CCDC90B: variants seen among roughly 807,000 people sequenced by gnomAD.
CCDC90B encodes coiled-coil domain-containing protein 90B, mitochondrial.
In CCDC90B, 24 loss-of-function variants were observed where a neutral mutation model predicts 37.0. The observed-to-expected ratio is 0.65, with a 90% CI of 0.47 to 0.91. The LOEUF (loss-of-function observed/expected upper bound fraction) is 0.91, where lower values mean the gene tolerates loss of function less well. Among genes scored for constraint, CCDC90B ranks in the 40% least tolerant of loss-of-function variants. The probability of loss-of-function intolerance (pLI) is 0.00; values close to 1 mark genes in which losing one functional copy is unlikely to be tolerated. For synonymous variants in CCDC90B, 113 were observed against 101.1 expected (o/e 1.12, Z -0.71); for missense variants, 319 against 299.0 (o/e 1.07, Z -0.49).
At chr11:83,277,743 A>C (rs1453369416) in intron 3 of CCDC90B, among the ~76,000 whole-genome samples, 1 of 151,644 alleles carries the variant, frequency 6.6e-6, no homozygotes, top group Non-Finnish European at 1.5e-5. Context: ...TGATCTGTGT[A>C]CCTCAGCCTC....
chr11:83,264,340 T>G (rs1442985375), intron 8 of CCDC90B, among the ~76,000 whole-genome samples: 2 of 152,074 alleles, frequency 1.3e-5, no homozygotes, highest in African/African-American at 2.4e-5. Context: ...GTGATCTAAT[T>G]ATTTTTAAGA....
Position 83,261,820 on chromosome 11 carries a change from A to T in CCDC90B, c.*91T>A, listed in dbSNP as rs552628241. Reference sequence around the variant, plus strand: ...ACACTTCGAATAATCTTGTGTAGTAAATTTTTGCTGCAACTGACAATGTTC... The same window carrying T: ...ACACTTCGAATAATCTTGTGTAGTATATTTTTGCTGCAACTGACAATGTTC... On this transcript the variant is annotated 3_prime_UTR_variant, in exon 9 of 9. Coordinates refer to ENST00000529689, the MANE Select transcript of CCDC90B (RefSeq NM_021825.5). The T allele has an allele frequency of 5.5e-5, 48 of 874,410 alleles. No homozygotes were observed. In the Admixed American group the frequency reaches 7.8e-4, roughly 14 times the overall value. 54.2% of individuals were successfully genotyped at this position (874,410 alleles called of 1,614,324 possible). A position where few individuals can be genotyped will look rare whatever the true frequency, so the allele number is the denominator to read the frequency against.
Position 83,265,997 on chromosome 11 carries a change from AAG to A in CCDC90B, c.595-20_595-19del, listed in dbSNP as rs774862120. 2.9e-5 allele frequency: 39 copies of A among 1,343,904 alleles called. 1 individual carries two copies. The South Asian group carries it at 4.4e-4, about 15-fold the overall frequency. 83.2% of individuals were successfully genotyped at this position (1,343,904 alleles called of 1,614,324 possible). A position where few individuals can be genotyped will look rare whatever the true frequency, so the allele number is the denominator to read the frequency against. On this transcript the variant is annotated intron_variant, in intron 7 of 8. Transcript: ENST00000529689. ...TGAGTATCCTGTGGTAAACCAGAAT[AAG>A]AGAACTTAATTTTGTCCCTATGTAT...
chr11:83,269,908 A>C (rs778835650), intron 7 of CCDC90B, among the ~76,000 whole-genome samples: 34 of 152,212 alleles, frequency 2.2e-4, no homozygotes, highest in Non-Finnish European at 4.7e-4. Context: ...AATCCTCAAT[A>C]AAATACTGGC....
In CCDC90B at chr11:83,261,872, TC is replaced by T; in HGVS notation, c.*38del. The T allele has an allele frequency of 6.7e-7, 1 of 1,482,120 alleles. No homozygotes were observed. The highest frequency in any genetic ancestry group is 9.3e-7 in the Non-Finnish European group (1 of 1,078,080). 91.8% of individuals were successfully genotyped at this position (1,482,120 alleles called of 1,614,324 possible). ...AAGTAAATCTCTCCCGGTTTGGTGT[TC>T]TAAGAAGCCAACAGCCACAGCAGGA... On this transcript the variant is annotated 3_prime_UTR_variant, in exon 9 of 9. Transcript: ENST00000529689.
At chr11:83,285,815 A>T in intron 1 of CCDC90B, 58 bp downstream of exon 1, 2 of 1,548,684 alleles carry the variant, frequency 1.3e-6, no homozygotes, top group Non-Finnish European at 1.7e-6. Flanking sequence ...GCGCGACCCC[A>T]CGGGCATCGT....
chr11:83,280,816 C>T (rs984063831), intron 1 of CCDC90B, among the ~76,000 whole-genome samples: 2 of 152,216 alleles, frequency 1.3e-5, no homozygotes, highest in Admixed American at 1.3e-4. Flanking sequence ...GTTTTCACTA[C>T]TGTATCTTTA....
Position 83,261,965 on chromosome 11 carries a change from A to G in CCDC90B, c.711T>C (p.Ala237=), listed in dbSNP as rs780259470. 1.3e-6 allele frequency: 2 copies of G among 1,587,728 alleles called. No homozygotes were observed. Among genetic ancestry groups the G allele is most frequent in the South Asian group, 1.1e-5 (1 of 88,256 alleles). ...NKLETIRYLA[A]SVFTCLAIAL... is the part of the protein sequence containing the mutation. ...CTATTGCCAGGCAAGTAAACACCGAAGCTGTGAAAAGAAGAAACTGTGTTA... is the reference window on the plus strand; with the variant it reads ...CTATTGCCAGGCAAGTAAACACCGAGGCTGTGAAAAGAAGAAACTGTGTTA... Residue 237 remains alanine, a splice_region_variant and synonymous_variant, in exon 9 of 9, where the codon GCT becomes GCC. Coordinates refer to ENST00000529689, the MANE Select transcript of CCDC90B (RefSeq NM_021825.5).
intron 1 of CCDC90B, chr11:83,285,463 A>G: frequency 9.0e-7 from 1 of 1,116,928 alleles, no homozygotes; most frequent in Non-Finnish European, 1.1e-6. Flanking sequence ...GTCTACCAAA[A>G]ACCTGGGCTC....
chr11:83,285,719 G>C, intron 1 of CCDC90B, 154 bp downstream of exon 1: 3 of 1,438,468 alleles, frequency 2.1e-6, no homozygotes, highest in Non-Finnish European at 2.7e-6. Flanking sequence ...TGGGCAAGTC[G>C]GGGCAGCAGG....
intron 7 of CCDC90B, among the ~76,000 whole-genome samples, chr11:83,267,676 G>A (rs1864369869): frequency 6.6e-6 from 1 of 152,204 alleles, no homozygotes; most frequent in Admixed American, 6.5e-5. Context: ...AACCAAGTTG[G>A]AAAACACTTC....
At chr11:83,277,784 C>A (rs376290242) in intron 3 of CCDC90B, among the ~76,000 whole-genome samples, 1 of 151,994 alleles carries the variant, frequency 6.6e-6, no homozygotes, top group African/African-American at 2.4e-5. Context: ...GTGTGACCCA[C>A]GGCACCTGGC....
intron 1 of CCDC90B, 72 bp downstream of exon 1, chr11:83,285,801 G>C: frequency 6.6e-7 from 1 of 1,526,438 alleles, no homozygotes; most frequent in Non-Finnish European, 8.8e-7. Context: ...GTTCGCTCGA[G>C]CAGGCGCGAC....
chr11:83,268,323 T>G (rs1389386243), intron 7 of CCDC90B, among the ~76,000 whole-genome samples: 1 of 151,278 alleles, frequency 6.6e-6, no homozygotes, highest in African/African-American at 2.4e-5. Flanking sequence ...TTGGATAGAA[T>G]CAAGACCCAT....
At chr11:83,264,200 A>C (rs541485207) in intron 8 of CCDC90B, among the ~76,000 whole-genome samples, 24 of 152,204 alleles carry the variant, frequency 1.6e-4, no homozygotes, top group Non-Finnish European at 2.6e-4. Flanking sequence ...GCCTGTTAAT[A>C]AAGGACTGGA....
At chr11:83,283,695 C>A (rs931075623) in intron 1 of CCDC90B, among the ~76,000 whole-genome samples, 8 of 152,230 alleles carry the variant, frequency 5.3e-5, no homozygotes, top group African/African-American at 1.9e-4. Context: ...GGTGCAGTGG[C>A]TTATGCCTGT....
chr11:83,265,936 A>G lies in CCDC90B; in HGVS notation c.638T>C (p.Ile213Thr), dbSNP rs144139155. 1.1e-3 allele frequency: 1,763 copies of G among 1,611,808 alleles called. 9 individuals are homozygous for G. Among genetic ancestry groups the G allele is most frequent in the South Asian group, 7.8e-3 (710 of 90,930 alleles). The change falls in exon 8 of 9, where the codon ATT becomes ACT. Residue 213 changes from isoleucine to threonine, a missense_variant. Transcript: ENST00000529689. ...KSIISETSNK[I>T]DAEIASLKTL... ...TTTTAAGGAAGCAATTTCAGCGTCAATTTTATTACTGGTCTCTGAAATAAT... is the reference window on the plus strand; with the variant it reads ...TTTTAAGGAAGCAATTTCAGCGTCAGTTTTATTACTGGTCTCTGAAATAAT...
intron 1 of CCDC90B, 29 bp downstream of exon 1, chr11:83,285,844 G>A (rs1865653340): frequency 2.5e-6 from 4 of 1,597,494 alleles, no homozygotes; most frequent in East Asian, 4.5e-5. Context: ...AGAGCACTCA[G>A]GCATCTATGA....
chr11:83,277,193 A>C (rs1046149647), intron 3 of CCDC90B, among the ~76,000 whole-genome samples: 3 of 152,216 alleles, frequency 2.0e-5, no homozygotes, highest in South Asian at 2.1e-4. Context: ...ATATTCCTCA[A>C]ATCACAGCTT....
Sources: gnomAD v4.1 joint callset for allele counts (sites outside exome capture counted in the v4.1 genomes callset) on GRCh38, gnomAD v4.1.1 for gene constraint, MANE v1.5 for transcripts, NCBI Gene and HGNC (gene_info 2026-07-23, HGNC 2026-07-21) for gene names.